The following USP49 variants were observed in gnomAD, a reference collection of about 807,000 sequenced individuals.
USP49 encodes ubiquitin specific peptidase 49.
Under a neutral mutation model 58.6 loss-of-function variants are expected in USP49, and 24 were observed. The observed-to-expected ratio is 0.41, with a 90% CI of 0.30 to 0.58. The LOEUF is 0.58. Ranked by LOEUF, USP49 falls within the 20% of genes least tolerant of loss-of-function variation. The pLI is 0.30. For synonymous variants in USP49, 408 were observed against 365.1 expected (o/e 1.12, Z -1.34); for missense variants, 703 against 866.1 (o/e 0.81, Z 2.36).
Position 41,803,743 on chromosome 6 carries a change from C to T in USP49, c.1561+63G>A, listed in dbSNP as rs1035578019. ...CTTTTGACTAAAGAGGACAAAGCAG[C>T]ACCTTAAACTGATATTCCAATTATT... On this transcript the variant is annotated intron_variant, in intron 5 of 7. Transcript: ENST00000682992. This position sits in a 1 kb window ranked among gnomAD's most constrained non-coding sequence, Gnocchi z 4.1. 20 of 1,551,098 alleles carry T rather than the reference C, an allele frequency of 1.3e-5. No homozygotes were observed. The Middle Eastern group carries it at 5.7e-4, about 44-fold the overall frequency.
At chr6:41,819,539 C>G (rs571500115) in intron 3 of USP49, among the ~76,000 whole-genome samples, 2 of 152,204 alleles carry the variant, frequency 1.3e-5, no homozygotes, top group African/African-American at 2.4e-5. Context: ...GTACCCTTGA[C>G]ATATGTGTGG....
intron 3 of USP49, among the ~76,000 whole-genome samples, chr6:41,810,998 A>C (rs191546639): frequency 3.9e-4 from 60 of 152,056 alleles, no homozygotes; most frequent in African/African-American, 1.4e-3. Context: ...AGCCCCTTTA[A>C]TTTTCCAGAT....
chr6:41,880,942 T>C (rs1239574593), intron 2 of USP49, among the ~76,000 whole-genome samples: 1 of 152,016 alleles, frequency 6.6e-6, no homozygotes, highest in Non-Finnish European at 1.5e-5. Context: ...TTTTTTATTC[T>C]TTTATTTTGA....
intron 1 of USP49, chr6:41,894,499 C>T (rs1774862855): frequency 6.6e-6 from 1 of 152,352 alleles, no homozygotes; most frequent in Admixed American, 6.6e-5. Context: ...TTCTCAGAAC[C>T]TCGCCAGCAG....
chr6:41,811,489 G>A (rs960022738), intron 3 of USP49, among the ~76,000 whole-genome samples: 2 of 152,120 alleles, frequency 1.3e-5, no homozygotes, highest in African/African-American at 4.8e-5. Context: ...TATAGGGTTC[G>A]ATACTATCTG....
chr6:41,866,549 A>C (rs572112517), intron 3 of USP49, among the ~76,000 whole-genome samples: 3 of 152,254 alleles, frequency 2.0e-5, no homozygotes, highest in East Asian at 3.8e-4. Context: ...AGTTTGGTAC[A>C]TATCAGTGGG....
intron 2 of USP49, among the ~76,000 whole-genome samples, chr6:41,872,215 T>C (rs1420297509): frequency 6.6e-6 from 1 of 152,256 alleles, no homozygotes; most frequent in Non-Finnish European, 1.5e-5. Context: ...TTAAGGTTTC[T>C]GACACATTAT....
At chr6:41,827,675 C>CAAA (rs373056101) in intron 3 of USP49, among the ~76,000 whole-genome samples, 2,685 of 90,494 alleles carry the variant, frequency 0.03, 28 homozygotes, top group East Asian at 0.052. Flanking sequence ...ACTCTGTCTC[C>CAAA]AAAAAAAAAA....
intron 3 of USP49, 83 bp from the exon 4 acceptor site, chr6:41,807,094 G>C: frequency 5.4e-6 from 4 of 738,994 alleles, no homozygotes; most frequent in Non-Finnish European, 7.5e-6. Flanking sequence ...AAAAAAAAAA[G>C]TAAAAGGCTT....
chr6:41,811,167 G>A (rs372265238), intron 3 of USP49, among the ~76,000 whole-genome samples: 24 of 152,088 alleles, frequency 1.6e-4, no homozygotes, highest in African/African-American at 4.6e-4. Flanking sequence ...AAAGGGAAGC[G>A]ACCTAGACTA....
chr6:41,871,413 G>C (rs544930386), intron 3 of USP49, among the ~76,000 whole-genome samples, 151 bp downstream of exon 3: 11 of 152,256 alleles, frequency 7.2e-5, no homozygotes, highest in African/African-American at 2.6e-4. Context: ...ACAAGGTTAA[G>C]ATGAAAGCAA....
intron 4 of USP49, among the ~76,000 whole-genome samples, chr6:41,805,352 A>G (rs1773090546): frequency 6.6e-6 from 1 of 152,176 alleles, no homozygotes; most frequent in Admixed American, 6.5e-5. Context: ...AGAATATTAT[A>G]TTACCCCTAT....
intron 3 of USP49, among the ~76,000 whole-genome samples, chr6:41,849,670 T>C (rs1773987192): frequency 6.6e-6 from 1 of 151,588 alleles, no homozygotes; most frequent in South Asian, 2.1e-4. Context: ...TGCAGTGGCA[T>C]GATCTCAGCT....
chr6:41,843,074 A>G (rs1773853621), intron 3 of USP49, among the ~76,000 whole-genome samples: 1 of 152,112 alleles, frequency 6.6e-6, no homozygotes, highest in African/African-American at 2.4e-5. Flanking sequence ...GCACCCAGCC[A>G]TCTTGGCTCA....
chr6:41,825,440 GA>G (rs200998432), intron 3 of USP49, among the ~76,000 whole-genome samples: 121 of 134,232 alleles, frequency 9.0e-4, no homozygotes, highest in Middle Eastern at 3.7e-3. Context: ...TCACTTAAAA[GA>G]AAAAAAAAAA....
intron 2 of USP49, among the ~76,000 whole-genome samples, chr6:41,871,864 A>G (rs988027715): frequency 2.0e-5 from 3 of 152,324 alleles, no homozygotes; most frequent in Non-Finnish European, 2.9e-5. Context: ...CTACAAATGG[A>G]AGTATTAAAG....
rs1773050187 is a variant in USP49 at position 41,803,172 on chromosome 6, G to A, written c.1561+634C>T. The stretch of plus-strand genomic sequence containing the variant: ...CATGAATTTAAGCAGCAGCCCCACA[G>A]CACTAAGAAGCTAAGTACTAACATT... On this transcript the variant is annotated intron_variant, in intron 5 of 7. Transcript: ENST00000682992. The surrounding 1 kb of genome is among the most constrained non-coding windows in gnomAD (Gnocchi z 4.1). Among the ~76,000 whole-genome samples, 1 of 152,166 alleles carries A rather than the reference G, an allele frequency of 6.6e-6. No homozygotes were observed. The highest frequency in any genetic ancestry group is 2.4e-5 in the African/African-American group (1 of 41,430).
intron 2 of USP49, among the ~76,000 whole-genome samples, chr6:41,879,820 A>G: frequency 6.6e-6 from 1 of 152,242 alleles, no homozygotes. Flanking sequence ...CTGGGGATGA[A>G]CCTGGTCAAG....
Position 41,802,470 on chromosome 6 carries a change from TTTTTATTTA to T in USP49, c.1561+1327_1561+1335del, listed in dbSNP as rs1409502355. On this transcript the variant is annotated intron_variant, in intron 5 of 7. Coordinates refer to ENST00000682992, the MANE Select transcript of USP49 (RefSeq NM_001286554.2). Reference sequence around the variant, plus strand: ...TTTATTTATTTATTTATTTATTTATTTTTTATTTATTTTTTTTTTTTGAGACAGCATCTC... The same window carrying T: ...TTTATTTATTTATTTATTTATTTATTTTTTTTTTTTTTGAGACAGCATCTC... Among the ~76,000 whole-genome samples, 780 of 85,340 alleles carry T rather than the reference TTTTTATTTA, an allele frequency of 9.1e-3. 21 individuals are homozygous for T. Among genetic ancestry groups the T allele is most frequent in the African/African-American group, 0.011 (222 of 19,646 alleles). 56.0% of individuals were successfully genotyped at this position (85,340 alleles called of 152,430 possible).
Sources: gnomAD v4.1 joint callset for allele counts (sites outside exome capture counted in the v4.1 genomes callset) on GRCh38, gnomAD v4.1.1 for gene constraint, Gnocchi (gnomAD v3.1) non-coding constraint, MANE v1.5 for transcripts, NCBI Gene and HGNC (gene_info 2026-07-23, HGNC 2026-07-21) for gene names.